Variants in TENM2 observed in about 807,000 individuals in gnomAD.
The protein encoded by TENM2 is teneurin-2.
Under a neutral mutation model 245.2 loss-of-function variants are expected in TENM2, and 52 were observed. The ratio of observed to expected loss-of-function variants is 0.21; its 90% CI spans 0.17 to 0.27. TENM2 has a LOEUF of 0.27. Among genes scored for constraint, TENM2 ranks in the 10% least tolerant of loss-of-function variants. TENM2 has a pLI of 1.00. For synonymous variants in TENM2, 1,363 were observed against 1,438.9 expected, an observed-to-expected ratio of 0.95 and a Z score of 1.19; for missense variants, 3,046 against 3,666.8, an observed-to-expected ratio of 0.83 and a Z score of 4.37.
At chr5:168,034,787 A>G (rs1000518046) in intron 5 of TENM2, among the ~76,000 whole-genome samples, 7 of 152,048 alleles carry the variant, frequency 4.6e-5, no homozygotes. Flanking sequence ...AAATAAATAA[A>G]AAATAAATAA....
chr5:168,170,451 G>A (rs1432881478), intron 13 of TENM2, among the ~76,000 whole-genome samples: 2 of 152,024 alleles, frequency 1.3e-5, no homozygotes, highest in Admixed American at 6.6e-5. Context: ...CTGCAGTGAG[G>A]CAAGATCGCA....
At chr5:167,081,091 AC>A in the TENM2 span, among the ~76,000 whole-genome samples, 1 of 151,970 alleles carries the variant, frequency 6.6e-6, no homozygotes, top group Non-Finnish European at 1.5e-5. Flanking sequence ...TTCTACCCCT[AC>A]CAACAATGTA....
At chr5:167,041,250 A>G in the TENM2 span, among the ~76,000 whole-genome samples, 5 of 152,336 alleles carry the variant, frequency 3.3e-5, no homozygotes, top group East Asian at 7.7e-4. Flanking sequence ...TTAGAGGTAT[A>G]GAAATAATAC....
the TENM2 span, among the ~76,000 whole-genome samples, chr5:167,235,611 A>C: frequency 6.6e-6 from 1 of 152,072 alleles, no homozygotes; most frequent in African/African-American, 2.4e-5. Context: ...TGTCTGTTCT[A>C]CTTTTCTCTG....
Position 167,623,151 on chromosome 5 carries a change from T to C in TENM2, c.502+247678T>C, listed in dbSNP as rs181613615. On this transcript the variant is annotated intron_variant, in intron 2 of 28. Transcript: ENST00000518659. ...TAGCTCAAGAAATAGGGCTGCTATT[T>C]TTTGTTTCAAGGCCAACTGCTTTGA... Among the ~76,000 whole-genome samples, 552 of 152,268 alleles carry C rather than the reference T, an allele frequency of 3.6e-3. 3 individuals carry two copies. The highest frequency in any genetic ancestry group is 8.5e-3 in the East Asian group (44 of 5,180).
intron 2 of TENM2, among the ~76,000 whole-genome samples, chr5:167,458,494 C>CAAAAAAAAAAA (rs70976430): frequency 8.9e-4 from 73 of 81,860 alleles, no homozygotes; most frequent in Admixed American, 1.5e-3. Flanking sequence ...CTCAAAAAAA[C>CAAAAAAAAAAA]AAAAAAAAAA....
At chr5:168,148,586 C>G (rs199501858) in intron 12 of TENM2, among the ~76,000 whole-genome samples, 10 of 151,986 alleles carry the variant, frequency 6.6e-5, no homozygotes, top group African/African-American at 2.2e-4. Flanking sequence ...CCCTGGGCCA[C>G]GTGGATGGGA....
chr5:167,856,344 G>T (rs1161434192), intron 2 of TENM2, among the ~76,000 whole-genome samples: 1 of 152,134 alleles, frequency 6.6e-6, no homozygotes, highest in Non-Finnish European at 1.5e-5. Flanking sequence ...GAAAGCAGTT[G>T]TAAAAGCAAA....
At chr5:167,312,683 C>T (rs1756109472) in intron 1 of TENM2, among the ~76,000 whole-genome samples, 1 of 151,772 alleles carries the variant, frequency 6.6e-6, no homozygotes, top group South Asian at 2.1e-4. Flanking sequence ...ACATTTGCTA[C>T]ATAAACCTGA....
chr5:167,483,236 C>T (rs1767864977), intron 2 of TENM2, among the ~76,000 whole-genome samples: 1 of 152,162 alleles, frequency 6.6e-6, no homozygotes, highest in South Asian at 2.1e-4. Flanking sequence ...ATGATAAAGA[C>T]AAACATTGAA....
chr5:167,274,367 T>C, the TENM2 span, among the ~76,000 whole-genome samples: 10 of 152,282 alleles, frequency 6.6e-5, no homozygotes, highest in African/African-American at 2.4e-4. Context: ...CAGTATTTCA[T>C]GGCATGGGTA....
intron 2 of TENM2, among the ~76,000 whole-genome samples, chr5:167,808,390 G>T (rs961986819): frequency 2.0e-5 from 3 of 152,134 alleles, no homozygotes; most frequent in Admixed American, 1.3e-4. Flanking sequence ...CTTTCAAGTA[G>T]CTGGGATTAC....
intron 1 of TENM2, among the ~76,000 whole-genome samples, chr5:167,365,695 T>C (rs978997554): frequency 2.6e-5 from 4 of 152,016 alleles, no homozygotes; most frequent in African/African-American, 9.6e-5. Flanking sequence ...GGTCACCATA[T>C]ATTGATGATA....
intron 2 of TENM2, among the ~76,000 whole-genome samples, chr5:167,804,951 CA>C (rs1373801837): frequency 1.3e-5 from 2 of 152,120 alleles, no homozygotes; most frequent in African/African-American, 4.8e-5. Context: ...TTAACCACAC[CA>C]GTATTTGAGG....
chr5:168,036,410 G>T (rs1245970050), intron 5 of TENM2, among the ~76,000 whole-genome samples: 2 of 152,030 alleles, frequency 1.3e-5, no homozygotes, highest in African/African-American at 2.4e-5. Context: ...GCCGAGGCAG[G>T]CGGATCACCT....
intron 2 of TENM2, among the ~76,000 whole-genome samples, chr5:167,632,708 G>A (rs1778955308): frequency 1.3e-5 from 2 of 152,148 alleles, no homozygotes; most frequent in Admixed American, 6.5e-5. Context: ...ACATGTGTGT[G>A]TGTGAGGTAG....
chr5:168,214,958 T>C, intron 20 of TENM2, 82 bp from the exon 23 acceptor site: 1 of 1,156,966 alleles, frequency 8.6e-7, no homozygotes, highest in South Asian at 1.3e-5. Context: ...AGCGTCTTGC[T>C]AGGATTTTTG....
intron 2 of TENM2, among the ~76,000 whole-genome samples, chr5:167,583,259 T>C (rs1300081395): frequency 1.3e-5 from 2 of 152,182 alleles, no homozygotes; most frequent in African/African-American, 4.8e-5. Flanking sequence ...TTGCACACAT[T>C]AATATCGCTC....
intron 1 of TENM2, among the ~76,000 whole-genome samples, chr5:167,295,748 C>T (rs1490680294): frequency 6.6e-6 from 1 of 152,132 alleles, no homozygotes; most frequent in Non-Finnish European, 1.5e-5. Context: ...ATTTCTTGAG[C>T]ACCTTAATTG....
Sources: gnomAD v4.1 joint callset for allele counts (sites outside exome capture counted in the v4.1 genomes callset) on GRCh38, gnomAD v4.1.1 for gene constraint, MANE v1.5 for transcripts, NCBI Gene and HGNC (gene_info 2026-07-23, HGNC 2026-07-21) for gene names.